Variants in NRG3 observed in about 807,000 individuals in gnomAD.
NRG3 encodes pro-neuregulin-3, membrane-bound isoform.
NRG3 carries 31 observed loss-of-function variants against 66.9 expected under a neutral mutation model. That is an observed-to-expected ratio of 0.46 (90% CI 0.35 to 0.63). The LOEUF (loss-of-function observed/expected upper bound fraction) is 0.63. NRG3 is among the 20% of genes least tolerant of loss of function. The pLI is 0.00. For synonymous variants in NRG3, 393 were observed against 359.4 expected (o/e 1.09, Z -1.06); for missense variants, 910 against 878.9 (o/e 1.04, Z -0.45).
At chr10:82,261,030 C>T (rs1177812126) in intron 1 of NRG3, among the ~76,000 whole-genome samples, 1 of 152,098 alleles carries the variant, frequency 6.6e-6, no homozygotes, top group African/African-American at 2.4e-5. Context: ...TGAGTGAGTT[C>T]TCTCTCTTGC....
chr10:82,024,248 G>A (rs940393705), intron 1 of NRG3, among the ~76,000 whole-genome samples: 18 of 151,794 alleles, frequency 1.2e-4, no homozygotes, highest in Admixed American at 6.6e-4. Context: ...TTCTTAATTC[G>A]TGTAGCTAAG....
chr10:82,132,479 G>GATATATATATCATATATATATATATATC (rs1491227241), intron 1 of NRG3, among the ~76,000 whole-genome samples: 1 of 62,466 alleles, frequency 1.6e-5, no homozygotes, highest in Non-Finnish European at 3.2e-5. Flanking sequence ...ATATATATAT[G>GATATATATATCATATATATATATATATC]ATATATATAT....
intron 1 of NRG3, among the ~76,000 whole-genome samples, chr10:81,896,689 TTGTA>T (rs1193587150): frequency 4.0e-5 from 6 of 150,944 alleles, no homozygotes; most frequent in African/African-American, 1.5e-4. Flanking sequence ...TCTTTAAAGA[TTGTA>T]TGATAAAAAA....
intron 2 of NRG3, among the ~76,000 whole-genome samples, chr10:82,496,055 T>C (rs931131710): frequency 6.6e-6 from 1 of 152,198 alleles, no homozygotes; most frequent in African/African-American, 2.4e-5. Context: ...TCAGATATGG[T>C]CTCTCTGACA....
At chr10:82,935,665 G>A (rs940674321) in intron 4 of NRG3, among the ~76,000 whole-genome samples, 1 of 151,910 alleles carries the variant, frequency 6.6e-6, no homozygotes, top group Non-Finnish European at 1.5e-5. Context: ...CACCCAGGCT[G>A]GAGTGCAGAG....
Position 82,985,100 on chromosome 10 carries a change from A to G in NRG3, c.1586A>G (p.Tyr529Cys), listed in dbSNP as rs775568076. ...GTAACACTGTGTTTCTTTTTCAGGT[A>G]TTCATCCAGTGGTTTAAAAACCCAA... ...PDQDTIPCQG[Y>C]SSSGLKTQRN... Residue 529 changes from tyrosine to cysteine, a missense_variant and splice_region_variant, in exon 9 of 9, where the codon TAT becomes TGT. Transcript: ENST00000372141. 9 of 1,612,566 alleles carry G rather than the reference A, an allele frequency of 5.6e-6. No individual in the cohort carries two copies. The highest frequency in any genetic ancestry group is 7.6e-6 in the Non-Finnish European group (9 of 1,179,320).
intron 2 of NRG3, among the ~76,000 whole-genome samples, chr10:82,378,059 G>A (rs2085368935): frequency 6.6e-6 from 1 of 152,208 alleles, no homozygotes; most frequent in Non-Finnish European, 1.5e-5. Context: ...AGGATAGGTG[G>A]AGGTTTTAGA....
chr10:82,167,608 C>A (rs2072191150), intron 1 of NRG3, among the ~76,000 whole-genome samples: 1 of 151,886 alleles, frequency 6.6e-6, no homozygotes. Flanking sequence ...CAGAGAACTC[C>A]CAATTTCATA....
At chr10:82,490,208 T>C (rs960770438) in intron 2 of NRG3, among the ~76,000 whole-genome samples, 1 of 152,098 alleles carries the variant, frequency 6.6e-6, no homozygotes, top group African/African-American at 2.4e-5. Flanking sequence ...TCTTTTAAGA[T>C]GTATCTACAC....
chr10:82,063,510 A>C (rs1371076126), intron 1 of NRG3, among the ~76,000 whole-genome samples: 1 of 11,462 alleles, frequency 8.7e-5, no homozygotes. Context: ...GCAGGAAAAG[A>C]TCTTTTTTTT....
chr10:81,947,864 C>G lies in NRG3; in HGVS notation c.823+71701C>G, dbSNP rs372097190. Among the ~76,000 whole-genome samples, 38 of 152,156 alleles carry G rather than the reference C, an allele frequency of 2.5e-4. 2 individuals carry two copies. Among genetic ancestry groups the G allele is most frequent in the African/African-American group, 8.2e-4 (34 of 41,520 alleles). On this transcript the variant is annotated intron_variant, in intron 1 of 8. Transcript: ENST00000372141. ...TGAGAAACTCAGGCATCCCAGATTC[C>G]AGGAGTTTTGGAATAGAACCCCGTA...
intron 1 of NRG3, among the ~76,000 whole-genome samples, chr10:81,932,030 T>C: frequency 6.6e-6 from 1 of 152,176 alleles, no homozygotes; most frequent in African/African-American, 2.4e-5. Flanking sequence ...AATTGGCTCA[T>C]AGTTCTGCAG....
chr10:81,992,099 A>G (rs1202219341), intron 1 of NRG3, among the ~76,000 whole-genome samples: 1 of 152,114 alleles, frequency 6.6e-6, no homozygotes, highest in Non-Finnish European at 1.5e-5. Context: ...TTCACACTTA[A>G]TATAAGCAAA....
intron 2 of NRG3, among the ~76,000 whole-genome samples, chr10:82,469,625 A>T (rs559593264): frequency 6.6e-6 from 1 of 152,156 alleles, no homozygotes; most frequent in African/African-American, 2.4e-5. Flanking sequence ...TCAGGGACCA[A>T]TTGTGAAGGT....
At chr10:82,930,589 A>T (rs1847469644) in intron 4 of NRG3, among the ~76,000 whole-genome samples, 2 of 152,156 alleles carry the variant, frequency 1.3e-5, no homozygotes, top group Admixed American at 1.3e-4. Context: ...AATTTCTTAG[A>T]TGTCTCTATT....
At chr10:82,490,033 G>T (rs1189914955) in intron 2 of NRG3, among the ~76,000 whole-genome samples, 2 of 152,084 alleles carry the variant, frequency 1.3e-5, no homozygotes, top group East Asian at 1.9e-4. Context: ...ACTATTAAGT[G>T]CCAGAACCAG....
At chr10:82,642,317 G>T (rs942737333) in intron 2 of NRG3, among the ~76,000 whole-genome samples, 4 of 151,538 alleles carry the variant, frequency 2.6e-5, no homozygotes, top group African/African-American at 9.7e-5. Flanking sequence ...AGAAAGAACT[G>T]TCAGAATTAG....
At chr10:82,546,963 T>C (rs932672774) in intron 2 of NRG3, among the ~76,000 whole-genome samples, 5 of 151,906 alleles carry the variant, frequency 3.3e-5, no homozygotes, top group Non-Finnish European at 5.9e-5. Flanking sequence ...GGGAGGAAGG[T>C]AGAGAAGGAG....
intron 3 of NRG3, among the ~76,000 whole-genome samples, chr10:82,752,393 A>C (rs1444885032): frequency 6.6e-6 from 1 of 152,154 alleles, no homozygotes; most frequent in East Asian, 1.9e-4. Flanking sequence ...TAAACGTATA[A>C]GTAAAATGAA....
Sources: allele counts gnomAD v4.1 joint callset (sites outside exome capture counted in the v4.1 genomes callset), GRCh38; gene constraint gnomAD v4.1.1; transcripts MANE v1.5; gene names NCBI Gene and HGNC (gene_info 2026-07-23, HGNC 2026-07-21).